The following ZNF804B variants were observed in gnomAD, a reference collection of about 807,000 sequenced individuals.
The protein encoded by ZNF804B is zinc finger protein 804B.
Under a neutral mutation model 101.4 loss-of-function variants are expected in ZNF804B, and 80 were observed. That is an observed-to-expected ratio of 0.79 (90% CI 0.66 to 0.95). The LOEUF (loss-of-function observed/expected upper bound fraction) is 0.95. Among genes scored for constraint, ZNF804B ranks in the 40% least tolerant of loss-of-function variants. ZNF804B has a pLI of 0.00. For missense variants in ZNF804B, 1,673 were observed against 1,561.9 expected, an observed-to-expected ratio of 1.07 and a Z score of -1.20; for synonymous variants, 622 against 558.8, an observed-to-expected ratio of 1.11 and a Z score of -1.59.
At chr7:89,251,884 C>A (rs1012740974) in intron 2 of ZNF804B, among the ~76,000 whole-genome samples, 2 of 152,040 alleles carry the variant, frequency 1.3e-5, no homozygotes, top group South Asian at 2.1e-4. Flanking sequence ...GGACCCCTAC[C>A]TTTTACCATA....
chr7:88,864,481 T>C (rs1261114328), intron 1 of ZNF804B, among the ~76,000 whole-genome samples: 1 of 152,170 alleles, frequency 6.6e-6, no homozygotes, highest in East Asian at 1.9e-4. Context: ...CACAACTGGC[T>C]CTCAACTAGT....
intron 1 of ZNF804B, among the ~76,000 whole-genome samples, chr7:89,060,163 A>G (rs916014384): frequency 6.6e-5 from 10 of 152,078 alleles, no homozygotes; most frequent in Admixed American, 4.6e-4. Context: ...ATAGCCTGTC[A>G]TGGGACTTCT....
intron 1 of ZNF804B, among the ~76,000 whole-genome samples, chr7:88,805,418 A>C (rs1790668906): frequency 6.6e-6 from 1 of 152,180 alleles, no homozygotes; most frequent in South Asian, 2.1e-4. Flanking sequence ...ATTGCCTTTA[A>C]TTTATCCAAC....
At chr7:88,935,371 A>T (rs1792951000) in intron 1 of ZNF804B, among the ~76,000 whole-genome samples, 1 of 48,454 alleles carries the variant, frequency 2.1e-5, no homozygotes, top group Admixed American at 2.2e-4. Context: ...AAAGTAATTA[A>T]AAAAAAAAAA....
At chr7:89,288,196 A>G (rs1002897157) in intron 2 of ZNF804B, among the ~76,000 whole-genome samples, 1 of 152,156 alleles carries the variant, frequency 6.6e-6, no homozygotes. Context: ...GTATTTAAAT[A>G]GAAAATGTTT....
At chr7:89,282,003 C>T (rs1790103695) in intron 2 of ZNF804B, among the ~76,000 whole-genome samples, 1 of 151,842 alleles carries the variant, frequency 6.6e-6, no homozygotes, top group East Asian at 2.0e-4. Flanking sequence ...AGATCGAAAC[C>T]ATCCCGGCTA....
intron 1 of ZNF804B, among the ~76,000 whole-genome samples, chr7:88,782,346 C>A (rs112423812): frequency 6.6e-6 from 1 of 151,976 alleles, no homozygotes; most frequent in Admixed American, 6.6e-5. Context: ...AAGCCTTTCT[C>A]GTACAGCACT....
intron 1 of ZNF804B, among the ~76,000 whole-genome samples, chr7:88,766,597 T>G (rs1222121493): frequency 6.6e-6 from 1 of 152,206 alleles, no homozygotes; most frequent in Non-Finnish European, 1.5e-5. Flanking sequence ...GAATTGATGT[T>G]GGCCTTAAAA....
intron 1 of ZNF804B, among the ~76,000 whole-genome samples, chr7:88,854,579 C>T (rs1235470875): frequency 7.6e-6 from 1 of 131,616 alleles, no homozygotes; most frequent in African/African-American, 2.9e-5. Context: ...TCCTTCCTTC[C>T]TTCCTTCCCT....
At chr7:89,087,065 A>G (rs1460252216) in intron 1 of ZNF804B, among the ~76,000 whole-genome samples, 1 of 151,738 alleles carries the variant, frequency 6.6e-6, no homozygotes, top group Non-Finnish European at 1.5e-5. Context: ...TCAAAAAAAA[A>G]AAAAAAGAAA....
At chr7:88,987,580 T>A (rs548450296) in intron 1 of ZNF804B, among the ~76,000 whole-genome samples, 3 of 152,236 alleles carry the variant, frequency 2.0e-5, no homozygotes, top group South Asian at 2.1e-4. Flanking sequence ...ACTTTTTTTT[T>A]AAACAACACT....
At chr7:89,263,550 A>G (rs1789740468) in intron 2 of ZNF804B, among the ~76,000 whole-genome samples, 1 of 152,134 alleles carries the variant, frequency 6.6e-6, no homozygotes, top group Admixed American at 6.6e-5. Flanking sequence ...AGTGACCTTC[A>G]AAAAGATATG....
intron 1 of ZNF804B, among the ~76,000 whole-genome samples, chr7:88,765,465 T>G (rs1169941856): frequency 6.6e-6 from 1 of 152,172 alleles, no homozygotes; most frequent in Non-Finnish European, 1.5e-5. Flanking sequence ...TAACAGAGCT[T>G]GAAATGCCAG....
At chr7:89,072,812 A>G (rs1200731328) in intron 1 of ZNF804B, among the ~76,000 whole-genome samples, 1 of 152,150 alleles carries the variant, frequency 6.6e-6, no homozygotes, top group African/African-American at 2.4e-5. Context: ...TGAAGAAATA[A>G]GGCTACTGCT....
At chr7:89,099,619 C>G (rs1004732032) in intron 1 of ZNF804B, among the ~76,000 whole-genome samples, 1 of 152,136 alleles carries the variant, frequency 6.6e-6, no homozygotes, top group Non-Finnish European at 1.5e-5. Context: ...GCATGGTGAT[C>G]AAGAGTTCAA....
intron 1 of ZNF804B, among the ~76,000 whole-genome samples, chr7:88,902,107 A>G (rs1405829254): frequency 6.6e-6 from 1 of 151,932 alleles, no homozygotes; most frequent in African/African-American, 2.4e-5. Context: ...TCTAAACCCG[A>G]TACACTTTCT....
chr7:89,106,437 G>C (rs1790137626), intron 1 of ZNF804B, among the ~76,000 whole-genome samples: 1 of 152,068 alleles, frequency 6.6e-6, no homozygotes, highest in African/African-American at 2.4e-5. Context: ...GTTTTAAACT[G>C]GGTGATATAG....
In ZNF804B at chr7:89,278,285, T is replaced by A. The variant is rs925632773; in HGVS notation, c.250-49059T>A. 6.9e-4 allele frequency among the ~76,000 whole-genome samples: 105 copies of A among 152,092 alleles called. 1 individual carries two copies. Among genetic ancestry groups the A allele is most frequent in the African/African-American group, 2.5e-3 (103 of 41,480 alleles). ...AGATGAGTAGGTTGTGAAAAATTTC[T>A]CCCATTTTGTAGGTTGCCTGTTCAC... On this transcript the variant is annotated intron_variant, in intron 2 of 3. Transcript: ENST00000333190.
intron 1 of ZNF804B, among the ~76,000 whole-genome samples, chr7:88,977,022 C>T (rs1405426904): frequency 2.0e-5 from 3 of 151,522 alleles, no homozygotes; most frequent in Admixed American, 6.6e-5. Context: ...TCTGTTGATA[C>T]GATGTATCAC....
Sources: gnomAD v4.1 joint callset for allele counts (sites outside exome capture counted in the v4.1 genomes callset) on GRCh38, gnomAD v4.1.1 for gene constraint, MANE v1.5 for transcripts, NCBI Gene and HGNC (gene_info 2026-07-23, HGNC 2026-07-21) for gene names.